Variants in MRPS27 observed in about 807,000 individuals in gnomAD.
MRPS27 encodes mitochondrial ribosomal protein S27.
A neutral mutation model predicts 48.9 loss-of-function variants in MRPS27; 43 were observed. The observed-to-expected ratio is 0.88, with a 90% CI of 0.69 to 1.13. MRPS27 has a LOEUF of 1.13. Ranked by LOEUF, MRPS27 falls within the 50% of genes most tolerant of loss-of-function variation. The probability of loss-of-function intolerance (pLI) is 0.00; values close to 1 mark genes in which losing one functional copy is unlikely to be tolerated. For missense variants in MRPS27, 467 were observed against 476.3 expected (o/e 0.98, Z 0.18); for synonymous variants, 188 against 171.9 (o/e 1.09, Z -0.73).
At chr5:72,283,438 T>C (rs529258354) in intron 4 of MRPS27, among the ~76,000 whole-genome samples, 4 of 152,352 alleles carry the variant, frequency 2.6e-5, no homozygotes, top group African/African-American at 9.6e-5. Context: ...GATGAGCTTC[T>C]GAACTTGAAG....
At chr5:72,287,679 G>T (rs939940326) in intron 4 of MRPS27, among the ~76,000 whole-genome samples, 11 of 151,978 alleles carry the variant, frequency 7.2e-5, no homozygotes, top group African/African-American at 2.7e-4. Flanking sequence ...CAAAAGATTC[G>T]AACACTTTAC....
At chr5:72,249,754 G>T (rs1394064321) in intron 4 of MRPS27, among the ~76,000 whole-genome samples, 3 of 151,694 alleles carry the variant, frequency 2.0e-5, no homozygotes, top group African/African-American at 4.8e-5. Context: ...GGCCGAGGCG[G>T]GTGGATCACG....
intron 4 of MRPS27, among the ~76,000 whole-genome samples, chr5:72,252,215 T>C (rs910854432): frequency 6.6e-6 from 1 of 152,090 alleles, no homozygotes; most frequent in Admixed American, 6.6e-5. Flanking sequence ...ATCTCAAGGG[T>C]TTTTCACATT....
intron 4 of MRPS27, among the ~76,000 whole-genome samples, chr5:72,249,784 A>T (rs1310224011): frequency 6.6e-6 from 1 of 152,114 alleles, no homozygotes; most frequent in African/African-American, 2.4e-5. Flanking sequence ...GACAGAGACC[A>T]TCCTGGCTAA....
intron 8 of MRPS27, 45 bp downstream of exon 8, chr5:72,228,221 A>C: frequency 4.2e-6 from 6 of 1,441,602 alleles, no homozygotes; most frequent in Non-Finnish European, 5.8e-6. Flanking sequence ...GAATGCAACA[A>C]TTCTAACCAT....
Position 72,320,162 on chromosome 5 carries a change from C to A in MRPS27, c.60G>T (p.Gln20His). Residue 20 changes from glutamine (Q) to histidine (H), a missense_variant, in exon 1 of 11, where the codon CAG (glutamine) becomes CAT (histidine). Transcript: ENST00000261413. The part of the protein sequence containing the change: ...MLLARQVVLP[Q>H]LSPAGKRYLL... ...TGTCCGGCCAACCTGCAGGAGAGAGCTGAGGAAGAACCACTTGCCGCGCCA... is the reference window on the plus strand; with the variant it reads ...TGTCCGGCCAACCTGCAGGAGAGAGATGAGGAAGAACCACTTGCCGCGCCA... 1.2e-6 allele frequency: 2 copies of A among 1,613,932 alleles called. No homozygotes were observed. Among genetic ancestry groups the A allele is most frequent in the African/African-American group, 1.3e-5 (1 of 75,038 alleles).
At chr5:72,288,503 C>T (rs1749733898) in intron 4 of MRPS27, among the ~76,000 whole-genome samples, 2 of 152,244 alleles carry the variant, frequency 1.3e-5, no homozygotes, top group African/African-American at 4.8e-5. Flanking sequence ...AGCCACTGCG[C>T]CCGGCCATGG....
At chr5:72,221,216 A>C (rs1580047947) in intron 10 of MRPS27, 68 bp from the exon 11 acceptor site, 6 of 1,556,512 alleles carry the variant, frequency 3.9e-6, no homozygotes, top group Non-Finnish European at 5.2e-6. Context: ...AAAGAGGAAA[A>C]ACTAGCCCTG....
chr5:72,275,200 A>G (rs960963441), intron 4 of MRPS27, among the ~76,000 whole-genome samples: 1 of 152,182 alleles, frequency 6.6e-6, no homozygotes, highest in Admixed American at 6.5e-5. Context: ...ACAAAAATCA[A>G]TGCACAAAAA....
chr5:72,257,047 C>T (rs1441834964), intron 4 of MRPS27, among the ~76,000 whole-genome samples: 1 of 152,154 alleles, frequency 6.6e-6, no homozygotes, highest in African/African-American at 2.4e-5. Flanking sequence ...ACATATATAG[C>T]ACTGACAGGA....
intron 2 of MRPS27, among the ~76,000 whole-genome samples, chr5:72,313,374 T>A (rs187759264): frequency 4.7e-4 from 71 of 152,300 alleles, no homozygotes; most frequent in Admixed American, 4.6e-3. Context: ...AAAAATTACA[T>A]CAGTCTCATA....
chr5:72,229,932 C>T lies in MRPS27; in HGVS notation c.592-1564G>A, dbSNP rs1748008710. On this transcript the variant is annotated intron_variant, in intron 7 of 10. Coordinates refer to ENST00000261413, the MANE Select transcript of MRPS27 (RefSeq NM_015084.3). ...ACAGGGTCTTGCCCTATTGCCCAGG[C>T]TGGAATGCAGTGGTGTGATCACAGC... Among the ~76,000 whole-genome samples, 4 of 152,136 alleles carry T rather than the reference C, an allele frequency of 2.6e-5. No individual in the cohort carries two copies. In the South Asian group the frequency reaches 8.3e-4, roughly 31 times the overall value.
intron 7 of MRPS27, among the ~76,000 whole-genome samples, chr5:72,230,219 C>CA (rs760970918): frequency 6.6e-6 from 1 of 152,150 alleles, no homozygotes; most frequent in Non-Finnish European, 1.5e-5. Context: ...CTATTGTAGA[C>CA]ACTATAATGG....
chr5:72,290,050 T>A (rs1052223615), intron 4 of MRPS27, among the ~76,000 whole-genome samples: 6 of 152,224 alleles, frequency 3.9e-5, no homozygotes, highest in African/African-American at 2.4e-5. Context: ...TGGTTAAAGC[T>A]TGTCATAACC....
chr5:72,314,041 G>A, intron 2 of MRPS27, 40 bp downstream of exon 2: 1 of 1,438,904 alleles, frequency 6.9e-7, no homozygotes, highest in Non-Finnish European at 9.7e-7. Context: ...CATACAGAGT[G>A]ACCGAAAATG....
At chr5:72,276,086 AC>A (rs70999274) in intron 4 of MRPS27, among the ~76,000 whole-genome samples, 2,346 of 152,218 alleles carry the variant, frequency 0.015, 28 homozygotes, top group Non-Finnish European at 0.026. Flanking sequence ...TTGAAGAGAA[AC>A]CTTATCATAT....
Position 72,287,656 on chromosome 5 carries a change from C to A in MRPS27, c.281+7875G>T, listed in dbSNP as rs150785278. ...TCTCAATAAAAAACAAACAAACAAA[C>A]AAAAAAAATTGACAAAAGATTCGAA... is the stretch of plus-strand genomic sequence containing the variant. On this transcript the variant is annotated intron_variant, in intron 4 of 10. Transcript: ENST00000261413. 2.3e-3 allele frequency among the ~76,000 whole-genome samples: 357 copies of A among 151,996 alleles called. 11 individuals carry two copies. Among genetic ancestry groups the A allele is most frequent in the Admixed American group, 0.019 (294 of 15,260 alleles).
At chr5:72,232,691 C>T (rs1049351173) in intron 6 of MRPS27, 133 bp from the exon 7 acceptor site, 22 of 614,034 alleles carry the variant, frequency 3.6e-5, no homozygotes, top group Admixed American at 2.2e-4. Context: ...GTAAAATATG[C>T]GGGCTTAGGC....
intron 4 of MRPS27, among the ~76,000 whole-genome samples, chr5:72,263,819 C>G (rs1749042316): frequency 6.6e-6 from 1 of 152,066 alleles, no homozygotes; most frequent in African/African-American, 2.4e-5. Flanking sequence ...CAGCTGGCCA[C>G]TATGGAAAAT....
Sources: allele counts gnomAD v4.1 joint callset (sites outside exome capture counted in the v4.1 genomes callset), GRCh38; gene constraint gnomAD v4.1.1; transcripts MANE v1.5; gene names NCBI Gene and HGNC (gene_info 2026-07-23, HGNC 2026-07-21).